SAG: variants seen among roughly 807,000 people sequenced by gnomAD.
The protein encoded by SAG is S-antigen visual arrestin, also known as S-arrestin.
In SAG, 45 loss-of-function variants were observed where a neutral mutation model predicts 55.0. That is an observed-to-expected ratio of 0.82 (90% CI 0.64 to 1.05). The LOEUF is 1.05. SAG is among the 50% of genes least tolerant of loss of function. The pLI is 0.00. For synonymous variants in SAG, 189 were observed against 197.4 expected, an observed-to-expected ratio of 0.96 and a Z score of 0.36; for missense variants, 455 against 512.1, an observed-to-expected ratio of 0.89 and a Z score of 1.08.
At chr2:233,320,036 A>T in intron 4 of SAG, 1 of 956,478 alleles carries the variant, frequency 1.0e-6, no homozygotes, top group South Asian at 4.8e-5. Context: ...CTGTTCAACA[A>T]GTAGAATTTT....
chr2:233,336,146 T>TAG (rs1700920283), intron 11 of SAG, among the ~76,000 whole-genome samples: 1 of 152,146 alleles, frequency 6.6e-6, no homozygotes, highest in South Asian at 2.1e-4. Context: ...TTCAAGGGCG[T>TAG]AGGGATCGTA....
rs111754672 is a variant in SAG, at chr2:233,335,191, C to T, written c.944+92C>T. ...CATCACCCTGCTGGGCTCGCAGGCA[C>T]GCACGTGCAGCATGGTGGTCTGGCG... On this transcript the variant is annotated intron_variant, in intron 11 of 15. Coordinates refer to ENST00000409110, the MANE Select transcript of SAG (RefSeq NM_000541.5). 3,216 of 1,469,816 alleles carry T rather than the reference C, an allele frequency of 2.2e-3. 56 individuals are homozygous for T. In the African/African-American group the frequency reaches 0.04, roughly 18 times the overall value. 91.0% of individuals were successfully genotyped at this position (1,469,816 alleles called of 1,614,324 possible).
At chr2:233,342,150 G>A in intron 13 of SAG, 121 bp from the exon 14 acceptor site, 1 of 712,352 alleles carries the variant, frequency 1.4e-6, no homozygotes, top group Non-Finnish European at 2.4e-6. Context: ...AGTTCCCACT[G>A]CATTGTCTTT....
Position 233,340,566 on chromosome 2 carries a change from C to T in SAG, c.1046+88C>T. On this transcript the variant is annotated intron_variant, in intron 13 of 15. Coordinates refer to ENST00000409110, the MANE Select transcript of SAG (RefSeq NM_000541.5). This position sits in a 1 kb window ranked among gnomAD's most constrained non-coding sequence, Gnocchi z 4.2. The stretch of plus-strand genomic sequence containing the variant: ...GCTCCAAAACGGTTTCTGATGAAAG[C>T]TGCTTTCTGGACAGTTGTGCTCAGA... 1 of 1,021,474 alleles carries T rather than the reference C, an allele frequency of 9.8e-7. No homozygotes were observed. The highest frequency in any genetic ancestry group is 1.5e-6 in the Non-Finnish European group (1 of 661,104). The allele number at this position is 1,021,474 out of a possible 1,614,324, so 63.3% of individuals were successfully genotyped here.
In SAG at chr2:233,342,410, G is replaced by T. The variant is rs550497267; in HGVS notation, c.1102+84G>T. On this transcript the variant is annotated intron_variant, in intron 14 of 15. Transcript: ENST00000409110. Reference sequence around the variant, plus strand: ...GATGTATTTCTAGTCTTTCTTGACCGCATCTCAGAGCATGGGAGTGGCCAG... The same window carrying T: ...GATGTATTTCTAGTCTTTCTTGACCTCATCTCAGAGCATGGGAGTGGCCAG... The T allele has an allele frequency of 5.0e-5, 55 of 1,090,598 alleles. 1 individual carries two copies. The East Asian group carries it at 8.0e-4, about 16-fold the overall frequency. 67.6% of individuals were successfully genotyped at this position (1,090,598 alleles called of 1,614,324 possible).
intron 10 of SAG, 102 bp from the exon 11 acceptor site, chr2:233,334,860 C>A: frequency 7.1e-7 from 1 of 1,407,488 alleles, no homozygotes; most frequent in Non-Finnish European, 9.9e-7. Context: ...GGAGGTCCAT[C>A]AGGGGATGTG....
chr2:233,346,618 C>G (rs1701259913), intron 15 of SAG, among the ~76,000 whole-genome samples, 189 bp from the exon 16 acceptor site: 1 of 152,190 alleles, frequency 6.6e-6, no homozygotes, highest in African/African-American at 2.4e-5. Context: ...CTGCGCGTGC[C>G]TTTGTTTTCT....
chr2:233,316,323 T>G (rs967301152), intron 3 of SAG, among the ~76,000 whole-genome samples, 188 bp downstream of exon 3: 2 of 152,072 alleles, frequency 1.3e-5, no homozygotes, highest in African/African-American at 2.4e-5. Flanking sequence ...TTATTTTTAT[T>G]TTTTTGAGAT....
At chr2:233,328,008 CT>C (rs368683968) in intron 7 of SAG, 308 of 153,794 alleles carry the variant, frequency 2.0e-3, no homozygotes, top group African/African-American at 6.7e-3. Flanking sequence ...CTCCCACCCC[CT>C]GTGCTGTTTT....
chr2:233,316,332 A>G (rs1331407726), intron 3 of SAG, among the ~76,000 whole-genome samples, 197 bp downstream of exon 3: 1 of 151,516 alleles, frequency 6.6e-6, no homozygotes, highest in Non-Finnish European at 1.5e-5. Context: ...TTTTTTTGAG[A>G]TGGAGTTTCA....
chr2:233,309,150 C>T lies in SAG; in HGVS notation c.-28-12C>T, dbSNP rs1700009956. ...TTTCTCCAACCCTCTAACACCTGAC[C>T]AACACCCCAAGGTGGTAGAAGTTGC... On this transcript the variant is annotated splice_polypyrimidine_tract_variant and intron_variant, in intron 1 of 15. Coordinates refer to ENST00000409110, the MANE Select transcript of SAG (RefSeq NM_000541.5). The T allele has an allele frequency of 2.6e-6, 4 of 1,558,828 alleles. No individual in the cohort carries two copies. In the African/African-American group the frequency reaches 5.4e-5, roughly 21 times the overall value.
chr2:233,340,545 C>A lies in SAG; in HGVS notation c.1046+67C>A. 1 of 1,311,594 alleles carries A rather than the reference C, an allele frequency of 7.6e-7. No homozygotes were observed. The highest frequency in any genetic ancestry group is 1.1e-6 in the Non-Finnish European group (1 of 919,394). The allele number at this position is 1,311,594 out of a possible 1,614,324, so 81.2% of individuals were successfully genotyped here. A position where few individuals can be genotyped will look rare whatever the true frequency, so the allele number is the denominator to read the frequency against. On this transcript the variant is annotated intron_variant, in intron 13 of 15. Transcript: ENST00000409110. The surrounding 1 kb of genome is among the most constrained non-coding windows in gnomAD (Gnocchi z 4.2). ...ATCAAAGGCAGCAAACTTGGGGCTC[C>A]AAAACGGTTTCTGATGAAAGCTGCT... is the stretch of plus-strand genomic sequence containing the variant.
intron 11 of SAG, among the ~76,000 whole-genome samples, chr2:233,336,764 T>C (rs1700944505): frequency 6.6e-6 from 1 of 152,032 alleles, no homozygotes; most frequent in South Asian, 2.1e-4. Context: ...CAGAGCATGT[T>C]CAGTTCAGCA....
chr2:233,329,516 C>A lies in SAG; in HGVS notation c.672C>A (p.Ile224=). 1.9e-6 allele frequency: 3 copies of A among 1,612,956 alleles called. 1 individual carries two copies. The South Asian group carries it at 3.3e-5, about 18-fold the overall frequency. The part of the protein sequence containing the change: ...NKEIYFHGEP[I]PVTVTVTNNT... ...AGATCTATTTCCATGGGGAGCCCATCCCTGTGACCGTGACTGTCACCAATA... is the reference window on the plus strand; with the variant it reads ...AGATCTATTTCCATGGGGAGCCCATACCTGTGACCGTGACTGTCACCAATA... The change falls in exon 9 of 16, where the codon ATC becomes ATA. Residue 224 remains isoleucine, a synonymous_variant. Coordinates refer to ENST00000409110, the MANE Select transcript of SAG (RefSeq NM_000541.5).
intron 14 of SAG, chr2:233,343,639 G>A (rs1701171370): frequency 8.0e-7 from 1 of 1,253,072 alleles, no homozygotes; most frequent in Non-Finnish European, 1.0e-6. Context: ...GGTAAATGAA[G>A]CAGCAAAAAT....
chr2:233,331,683 C>T lies in SAG; in HGVS notation c.777C>T (p.Tyr259=), dbSNP rs766104513. 6.2e-6 allele frequency: 10 copies of T among 1,613,696 alleles called. No individual in the cohort carries two copies. Among genetic ancestry groups the T allele is most frequent in the South Asian group, 4.4e-5 (4 of 91,034 alleles). Residue 259 remains tyrosine (Y), a synonymous_variant, in exon 10 of 16, where the codon TAC becomes TAT. Coordinates refer to ENST00000409110, the MANE Select transcript of SAG (RefSeq NM_000541.5). ...ANVVLYSSDY[Y]VKPVAMEEAQ... The stretch of plus-strand genomic sequence containing the variant: ...TGGTTCTCTACTCGAGTGATTATTA[C>T]GTCAAGCCCGTGGCTATGGAGGAAG...
In SAG at chr2:233,338,745, A is replaced by G. The variant is rs1228669799; in HGVS notation, c.1014A>G (p.Thr338=). ...CTTACCAGATCAAGGTGAAGCTCAC[A>G]GTGTCAGGGTAAGTGTCCCGGCACC... is the stretch of plus-strand genomic sequence containing the variant. The part of the protein sequence containing the change: ...LVSYQIKVKL[T]VSGFLGELTS... The change falls in exon 12 of 16, where the codon ACA becomes ACG. Residue 338 remains threonine (T), a synonymous_variant. Transcript: ENST00000409110. The G allele has an allele frequency of 6.2e-7, 1 of 1,613,872 alleles. No individual in the cohort carries two copies.
At chr2:233,331,957 G>A in intron 10 of SAG, 1 of 515,114 alleles carries the variant, frequency 1.9e-6, no homozygotes. Context: ...TGACGCAGAG[G>A]AGAGAAATAA....
chr2:233,312,344 C>T (rs1043797610), intron 2 of SAG, among the ~76,000 whole-genome samples: 5 of 152,136 alleles, frequency 3.3e-5, no homozygotes, highest in East Asian at 1.9e-4. Flanking sequence ...CTCCCCTTGC[C>T]GATCCATTCT....
Sources: gnomAD v4.1 joint callset for allele counts (sites outside exome capture counted in the v4.1 genomes callset) on GRCh38, gnomAD v4.1.1 for gene constraint, Gnocchi (gnomAD v3.1) non-coding constraint, MANE v1.5 for transcripts, NCBI Gene and HGNC (gene_info 2026-07-23, HGNC 2026-07-21) for gene names.